The following ARID1B variants were observed in gnomAD, a reference collection of about 807,000 sequenced individuals.
ARID1B encodes AT-rich interactive domain-containing protein 1B.
ARID1B carries 30 observed loss-of-function variants against 212.3 expected under a neutral mutation model. That is an observed-to-expected ratio of 0.14 (90% CI 0.11 to 0.19). The LOEUF (loss-of-function observed/expected upper bound fraction) is 0.19. Among genes scored for constraint, ARID1B ranks in the 10% least tolerant of loss-of-function variants. The pLI is 1.00. For synonymous variants in ARID1B, 1,402 were observed against 1,301.7 expected, an observed-to-expected ratio of 1.08 and a Z score of -1.66; for missense variants, 2,891 against 3,204.0, an observed-to-expected ratio of 0.90 and a Z score of 2.36.
intron 3 of ARID1B, among the ~76,000 whole-genome samples, chr6:156,914,277 G>C (rs1790168708): frequency 6.6e-6 from 1 of 152,196 alleles, no homozygotes; most frequent in Non-Finnish European, 1.5e-5. Flanking sequence ...ATTTGAGTGA[G>C]ATCATGCGGT....
intron 1 of ARID1B, among the ~76,000 whole-genome samples, chr6:156,813,323 A>G (rs1781746792): frequency 6.8e-6 from 1 of 147,654 alleles, no homozygotes. Flanking sequence ...CATGTTGCCC[A>G]GGCTGGTCTC....
At chr6:157,100,025 G>A (rs557469614) in intron 5 of ARID1B, among the ~76,000 whole-genome samples, 93 of 152,234 alleles carry the variant, frequency 6.1e-4, no homozygotes, top group African/African-American at 2.1e-3. Context: ...GTCTAGCCCC[G>A]TTTTGAATGA....
At chr6:156,857,447 G>T (rs1396947465) in intron 2 of ARID1B, among the ~76,000 whole-genome samples, 1 of 152,060 alleles carries the variant, frequency 6.6e-6, no homozygotes, top group Non-Finnish European at 1.5e-5. Flanking sequence ...TGGCCTGGGG[G>T]CTAACTTCTA....
intron 1 of ARID1B, among the ~76,000 whole-genome samples, chr6:156,823,275 C>T (rs1220585031): frequency 6.6e-6 from 1 of 152,098 alleles, no homozygotes; most frequent in East Asian, 1.9e-4. Context: ...GCCCCTGTGA[C>T]CTCTGAGAGC....
At chr6:157,174,762 TGTTA>T (rs1791983610) in intron 10 of ARID1B, 81 bp from the exon 11 acceptor site, 2 of 852,244 alleles carry the variant, frequency 2.3e-6, no homozygotes, top group Admixed American at 3.3e-5. Flanking sequence ...AAAATTAGTT[TGTTA>T]AAGTGGATGT....
At chr6:156,787,683 A>G (rs1583042816) in intron 1 of ARID1B, among the ~76,000 whole-genome samples, 1 of 152,204 alleles carries the variant, frequency 6.6e-6, no homozygotes, top group Non-Finnish European at 1.5e-5. Flanking sequence ...GAACATTGCT[A>G]CTGCTGAGCA....
intron 2 of ARID1B, among the ~76,000 whole-genome samples, chr6:156,856,698 TCTCA>T (rs1428071015): frequency 0.036 from 3,108 of 85,366 alleles, 32 homozygotes; most frequent in African/African-American, 0.051. Context: ...TCTCTCTCTC[TCTCA>T]CACACACACA....
intron 9 of ARID1B, 46 bp downstream of exon 9, chr6:157,167,231 T>C (rs1791394903): frequency 6.3e-7 from 1 of 1,577,236 alleles, no homozygotes; most frequent in African/African-American, 1.4e-5. Flanking sequence ...CTCTCCCCTC[T>C]CCTCCTCTTA....
intron 4 of ARID1B, among the ~76,000 whole-genome samples, chr6:157,047,194 A>G (rs889552166): frequency 6.6e-6 from 1 of 152,150 alleles, no homozygotes. Context: ...ATTTTTCTTT[A>G]AAAGTAGTTT....
At chr6:157,126,125 C>T (rs779086556) in intron 6 of ARID1B, among the ~76,000 whole-genome samples, 5 of 152,128 alleles carry the variant, frequency 3.3e-5, no homozygotes, top group Admixed American at 1.3e-4. Context: ...TAGAACCCCG[C>T]GCAGTGACTA....
intron 4 of ARID1B, among the ~76,000 whole-genome samples, chr6:156,970,393 T>C (rs1776849880): frequency 6.6e-6 from 1 of 152,206 alleles, no homozygotes; most frequent in Non-Finnish European, 1.5e-5. Context: ...AAGCTTTGAC[T>C]TTTTAAATAA....
At chr6:156,779,597 A>T (rs985753980) in intron 1 of ARID1B, 126 bp downstream of exon 1, 2 of 1,009,820 alleles carry the variant, frequency 2.0e-6, no homozygotes, top group African/African-American at 3.5e-5. Flanking sequence ...GCGGCGCCCA[A>T]AGCCATCTTG....
chr6:157,034,686 G>A (rs1174555034), intron 4 of ARID1B, among the ~76,000 whole-genome samples: 1 of 152,150 alleles, frequency 6.6e-6, no homozygotes, highest in African/African-American at 2.4e-5. Context: ...AGGTAAAAAT[G>A]CTCTTAGACT....
At chr6:156,911,828 C>T (rs1789914665) in intron 3 of ARID1B, among the ~76,000 whole-genome samples, 1 of 152,142 alleles carries the variant, frequency 6.6e-6, no homozygotes. Context: ...GGATGAACAG[C>T]TCAAAACCAC....
rs987615022 is a variant in ARID1B, at chr6:156,955,466, C to G, written c.2247+19890C>G. ...CTTTCTGTATATGTTATAGTGCTGT[C>G]TTCCAGAATGACTTATTGTGGATTA... On this transcript the variant is annotated intron_variant, in intron 4 of 19. Coordinates refer to ENST00000636930, the MANE Select transcript of ARID1B (RefSeq NM_001374828.1). This position sits in a 1 kb window ranked among gnomAD's most constrained non-coding sequence, Gnocchi z 4.2. Among the ~76,000 whole-genome samples the G allele has an allele frequency of 6.6e-6, 1 of 152,158 alleles. No homozygotes were observed. The highest frequency in any genetic ancestry group is 2.4e-5 in the African/African-American group (1 of 41,426).
At chr6:157,099,573 G>A (rs1785917272) in intron 5 of ARID1B, among the ~76,000 whole-genome samples, 1 of 152,224 alleles carries the variant, frequency 6.6e-6, no homozygotes, top group Non-Finnish European at 1.5e-5. Context: ...ATCTATGATA[G>A]CAGGCTGGGT....
intron 1 of ARID1B, among the ~76,000 whole-genome samples, chr6:156,823,978 A>G (rs1222932789): frequency 6.6e-6 from 1 of 152,228 alleles, no homozygotes; most frequent in African/African-American, 2.4e-5. Context: ...TGAAAAGGAC[A>G]GTTGGATTCC....
chr6:157,120,450 C>CG (rs946134734), intron 6 of ARID1B, among the ~76,000 whole-genome samples: 8 of 152,076 alleles, frequency 5.3e-5, no homozygotes, highest in African/African-American at 1.9e-4. Flanking sequence ...TGGTGTGGCG[C>CG]GGGGGGCCTG....
chr6:156,988,142 T>C (rs1274462332), intron 4 of ARID1B, among the ~76,000 whole-genome samples: 1 of 152,226 alleles, frequency 6.6e-6, no homozygotes, highest in East Asian at 1.9e-4. Context: ...GAGGGATTAT[T>C]GTTCAAGGAT....
Sources: gnomAD v4.1 joint callset for allele counts (sites outside exome capture counted in the v4.1 genomes callset) on GRCh38, gnomAD v4.1.1 for gene constraint, Gnocchi (gnomAD v3.1) non-coding constraint, MANE v1.5 for transcripts, NCBI Gene and HGNC (gene_info 2026-07-23, HGNC 2026-07-21) for gene names.